Variants in CSMD1 observed in about 807,000 individuals in gnomAD.
The protein encoded by CSMD1 is CUB and Sushi multiple domains 1, also known as CUB and sushi domain-containing protein 1.
Under a neutral mutation model 417.5 loss-of-function variants are expected in CSMD1, and 213 were observed. The ratio of observed to expected loss-of-function variants is 0.51; its 90% CI spans 0.46 to 0.57. CSMD1 has a LOEUF of 0.57. Among genes scored for constraint, CSMD1 ranks in the 20% least tolerant of loss-of-function variants. The pLI is 0.00. For synonymous variants in CSMD1, 2,862 were observed against 1,736.8 expected (o/e 1.65, Z -16.11); for missense variants, 6,923 against 4,529.7 (o/e 1.53, Z -15.17).
chr8:4,212,437 G>A (rs989049509), intron 3 of CSMD1, among the ~76,000 whole-genome samples: 1 of 152,034 alleles, frequency 6.6e-6, no homozygotes, highest in African/African-American at 2.4e-5. Flanking sequence ...AGGTAGTTCA[G>A]AAAATCATGA....
intron 5 of CSMD1, among the ~76,000 whole-genome samples, chr8:3,919,610 T>A (rs559870076): frequency 1.3e-5 from 2 of 152,310 alleles, no homozygotes; most frequent in South Asian, 4.1e-4. Flanking sequence ...TTGCTTTGGT[T>A]ATCTCTGGTC....
At chr8:3,910,354 C>T (rs1808384533) in intron 5 of CSMD1, among the ~76,000 whole-genome samples, 1 of 152,106 alleles carries the variant, frequency 6.6e-6, no homozygotes, top group Admixed American at 6.5e-5. Context: ...GTGGCAGGTG[C>T]ACCGAGGCCA....
chr8:3,375,494 T>A (rs755637176), intron 18 of CSMD1, among the ~76,000 whole-genome samples: 1 of 152,182 alleles, frequency 6.6e-6, no homozygotes, highest in Non-Finnish European at 1.5e-5. Context: ...ATAATATTCA[T>A]AGACTCTCCA....
In CSMD1 at chr8:4,862,242, G is replaced by C. The variant is rs149537015; in HGVS notation, c.85+132090C>G. On this transcript the variant is annotated intron_variant, in intron 1 of 69. Transcript: ENST00000635120. ...AATACAGAAAGTGAGGTAGAGAGGA[G>C]TGAACGAGATGAGCTCACAGAGGTA... 2.3e-3 allele frequency among the ~76,000 whole-genome samples: 344 copies of C among 152,170 alleles called. 3 individuals carry two copies. Among genetic ancestry groups the C allele is most frequent in the African/African-American group, 8.0e-3 (330 of 41,462 alleles).
Position 3,106,526 on chromosome 8 carries a change from A to T in CSMD1, c.6949+2T>A, listed in dbSNP as rs1816159630. 1 of 1,596,178 alleles carries T rather than the reference A, an allele frequency of 6.3e-7. No homozygotes were observed. Among genetic ancestry groups the T allele is most frequent in the Non-Finnish European group, 8.6e-7 (1 of 1,163,996 alleles). The stretch of plus-strand genomic sequence containing the variant: ...GTAGTTTTAGTATCGAACAGTGCAT[A>T]CCTTCACATGTTGGGAGAGAACCCT... On this transcript the variant is annotated splice_donor_variant, in intron 46 of 69. Transcript: ENST00000635120. LOFTEE classifies it high-confidence loss of function.
At chr8:3,792,169 G>C (rs113869368) in intron 5 of CSMD1, among the ~76,000 whole-genome samples, 3,820 of 152,092 alleles carry the variant, frequency 0.025, 172 homozygotes, top group African/African-American at 0.085. Context: ...TGGTGCACAC[G>C]TGTAGTCCCA....
chr8:4,095,434 G>A (rs1185241016), intron 3 of CSMD1, among the ~76,000 whole-genome samples: 1 of 152,170 alleles, frequency 6.6e-6, no homozygotes, highest in Non-Finnish European at 1.5e-5. Context: ...GCTAGTGATT[G>A]TAGTTCTTTC....
chr8:4,295,009 G>T (rs574738417), intron 3 of CSMD1, among the ~76,000 whole-genome samples: 2 of 148,372 alleles, frequency 1.3e-5, no homozygotes, highest in African/African-American at 5.0e-5. Flanking sequence ...CCAATCTAAG[G>T]TGTTAAGATT....
At chr8:4,052,144 C>G (rs552413977) in intron 3 of CSMD1, among the ~76,000 whole-genome samples, 3 of 151,950 alleles carry the variant, frequency 2.0e-5, no homozygotes, top group South Asian at 2.1e-4. Context: ...AGGGTGGTCT[C>G]GAACTCCTGA....
At chr8:3,568,684 T>C (rs1412637979) in intron 10 of CSMD1, among the ~76,000 whole-genome samples, 1 of 152,074 alleles carries the variant, frequency 6.6e-6, no homozygotes, top group East Asian at 1.9e-4. Context: ...GCTGATATAC[T>C]GTATATGTGT....
At chr8:3,140,745 C>A (rs1044919744) in intron 41 of CSMD1, among the ~76,000 whole-genome samples, 3 of 151,708 alleles carry the variant, frequency 2.0e-5, no homozygotes, top group African/African-American at 4.9e-5. Context: ...AAAAGTTAGG[C>A]TCTAGATTTA....
At chr8:4,139,087 C>A (rs1613021) in intron 3 of CSMD1, among the ~76,000 whole-genome samples, 1 of 151,964 alleles carries the variant, frequency 6.6e-6, no homozygotes, top group Non-Finnish European at 1.5e-5. Flanking sequence ...TGTCTTTTAC[C>A]GACCACAACA....
At chr8:4,792,959 A>C (rs1258164977) in intron 1 of CSMD1, among the ~76,000 whole-genome samples, 2 of 129,812 alleles carry the variant, frequency 1.5e-5, no homozygotes, top group African/African-American at 2.8e-5. Flanking sequence ...TGTATATGGA[A>C]TATATGTGTA....
chr8:3,249,753 C>G lies in CSMD1; in HGVS notation c.4154-19522G>C, dbSNP rs1027103230. On this transcript the variant is annotated intron_variant, in intron 26 of 69. Transcript: ENST00000635120. ...AAGAAGCAAGAGAATGTGTTTATTTCCGTTTTTTTTAAATCTAATCAATTT... is the reference window on the plus strand; with the variant it reads ...AAGAAGCAAGAGAATGTGTTTATTTGCGTTTTTTTTAAATCTAATCAATTT... Among the ~76,000 whole-genome samples, 3 of 49,508 alleles carry G rather than the reference C, an allele frequency of 6.1e-5. No individual in the cohort carries two copies. The Admixed American group carries it at 7.4e-4, about 12-fold the overall frequency. 32.5% of individuals were successfully genotyped at this position (49,508 alleles called of 152,430 possible).
intron 48 of CSMD1, among the ~76,000 whole-genome samples, chr8:3,088,175 T>A (rs960145278): frequency 1.3e-5 from 2 of 152,236 alleles, no homozygotes; most frequent in African/African-American, 4.8e-5. Context: ...ATAATAATTT[T>A]ACCCACACAG....
chr8:2,972,184 T>C (rs947824420), intron 57 of CSMD1, among the ~76,000 whole-genome samples: 5 of 152,098 alleles, frequency 3.3e-5, no homozygotes, highest in Non-Finnish European at 5.9e-5. Flanking sequence ...TTTACCTATA[T>C]AGAATGTATA....
intron 10 of CSMD1, among the ~76,000 whole-genome samples, chr8:3,564,664 G>A (rs942806573): frequency 1.3e-5 from 2 of 151,914 alleles, no homozygotes; most frequent in Non-Finnish European, 2.9e-5. Context: ...GTTAAGAACT[G>A]AGGTGTTATA....
intron 10 of CSMD1, among the ~76,000 whole-genome samples, chr8:3,510,778 C>T (rs117397434): frequency 0.065 from 9,809 of 151,718 alleles, 453 homozygotes; most frequent in South Asian, 0.13. Context: ...AGCTTTTTTG[C>T]CTATGTTTAT....
intron 7 of CSMD1, among the ~76,000 whole-genome samples, chr8:3,618,366 C>T (rs572761458): frequency 2.0e-5 from 3 of 152,122 alleles, no homozygotes; most frequent in Non-Finnish European, 4.4e-5. Context: ...TCATTAAATA[C>T]AAATTCTATT....
Sources: allele counts gnomAD v4.1 joint callset (sites outside exome capture counted in the v4.1 genomes callset), GRCh38; gene constraint gnomAD v4.1.1; transcripts MANE v1.5; gene names NCBI Gene and HGNC (gene_info 2026-07-23, HGNC 2026-07-21).